FAM184A: variants seen among roughly 807,000 people sequenced by gnomAD.
FAM184A encodes protein FAM184A.
FAM184A carries 99 observed loss-of-function variants against 143.8 expected under a neutral mutation model. The ratio of observed to expected loss-of-function variants is 0.69; its 90% CI spans 0.58 to 0.81. The LOEUF (loss-of-function observed/expected upper bound fraction) is 0.81. Among genes scored for constraint, FAM184A ranks in the 40% least tolerant of loss-of-function variants. The probability of loss-of-function intolerance (pLI) is 0.00; values close to 1 mark genes in which losing one functional copy is unlikely to be tolerated. For synonymous variants in FAM184A, 427 were observed against 446.4 expected (o/e 0.96, Z 0.55); for missense variants, 1,217 against 1,310.5 (o/e 0.93, Z 1.10).
At chr6:119,080,329 A>C (rs573787775), upstream of FAM184A, among the ~76,000 whole-genome samples, 101 of 152,272 alleles carry the variant, frequency 6.6e-4, 1 homozygote, top group African/African-American at 2.2e-3. Flanking sequence ...TCCAGCTCGG[A>C]CTTGGTAATG....
rs1785542453 is a variant in FAM184A at position 119,023,977 on chromosome 6, T to C, written c.996A>G (p.Ile332Met). The C allele has an allele frequency of 2.5e-6, 4 of 1,595,330 alleles. No individual in the cohort carries two copies. In the East Asian group the frequency reaches 6.7e-5, roughly 27 times the overall value. The change falls in exon 2 of 18, where the codon ATA becomes ATG. Residue 332 changes from isoleucine (I) to methionine (M), a missense_variant. Ile to Met is a conservative substitution (Grantham distance 10, BLOSUM62 1). Coordinates refer to ENST00000338891, the MANE Select transcript of FAM184A (RefSeq NM_024581.6). Reference sequence around the variant, plus strand: ...TACTTACCTGAACATTGTTCTCTGCTATGGCAAGTGCCGTCTGAAGCTTTT... The same window carrying C: ...TACTTACCTGAACATTGTTCTCTGCCATGGCAAGTGCCGTCTGAAGCTTTT... ...KCQKLQTALA[I>M]AENNVQVLQK...
At chr6:119,081,548 C>A (rs1307029634), upstream of FAM184A, among the ~76,000 whole-genome samples, 5 of 152,188 alleles carry the variant, frequency 3.3e-5, no homozygotes, top group East Asian at 3.9e-4. Flanking sequence ...TCAATTAGAC[C>A]CCTGCCTTAT....
chr6:119,086,302 CAGT>C (rs1788221610), intron 1 of FAM184A, among the ~76,000 whole-genome samples: 6 of 152,164 alleles, frequency 3.9e-5, no homozygotes, highest in African/African-American at 1.4e-4. Flanking sequence ...CTCTTCAGGG[CAGT>C]AGTCTCTATC....
At chr6:119,082,996 C>T (rs1788113494), upstream of FAM184A, among the ~76,000 whole-genome samples, 1 of 152,238 alleles carries the variant, frequency 6.6e-6, no homozygotes, top group South Asian at 2.1e-4. Context: ...TGTTTCTATA[C>T]ATCCTCTGAA....
chr6:119,078,030 G>T lies in FAM184A; in HGVS notation c.159+111C>A. ...GTCTCCGGCTGTTGCTTCGGCGGAG[G>T]AGTAGAGTTCCCCTCGCTGCGGGCG... On this transcript the variant is annotated intron_variant, in intron 1 of 17. Coordinates refer to ENST00000338891, the MANE Select transcript of FAM184A (RefSeq NM_024581.6). This position sits in a 1 kb window ranked among gnomAD's most constrained non-coding sequence, Gnocchi z 5.5. 7.9e-7 allele frequency: 1 copy of T among 1,260,244 alleles called. No individual in the cohort carries two copies. Among genetic ancestry groups the T allele is most frequent in the Non-Finnish European group, 1.1e-6 (1 of 930,518 alleles). The allele number at this position is 1,260,244 out of a possible 1,614,324, so 78.1% of individuals were successfully genotyped here.
chr6:118,967,408 T>C (rs533700049), intron 14 of FAM184A, among the ~76,000 whole-genome samples: 3 of 152,224 alleles, frequency 2.0e-5, no homozygotes, highest in Non-Finnish European at 4.4e-5. Context: ...CAAATACAGA[T>C]GAAAGCAAAA....
At chr6:119,004,322 A>G (rs895195798) in intron 7 of FAM184A, among the ~76,000 whole-genome samples, 10 of 152,190 alleles carry the variant, frequency 6.6e-5, no homozygotes, top group Admixed American at 1.3e-4. Context: ...TGTTATCACA[A>G]TGACCCTTTC....
intron 9 of FAM184A, among the ~76,000 whole-genome samples, chr6:118,990,186 C>A (rs1784333109): frequency 1.3e-5 from 2 of 152,164 alleles, no homozygotes; most frequent in African/African-American, 4.8e-5. Flanking sequence ...AAAATTTATA[C>A]CATTTACTTA....
At chr6:119,038,013 G>C (rs1030360708) in intron 1 of FAM184A, among the ~76,000 whole-genome samples, 2 of 152,172 alleles carry the variant, frequency 1.3e-5, no homozygotes, top group African/African-American at 4.8e-5. Flanking sequence ...AGTGTTGAGA[G>C]AGAGAAAAAT....
intron 1 of FAM184A, among the ~76,000 whole-genome samples, chr6:119,052,049 G>A (rs1224428476): frequency 6.6e-6 from 1 of 152,156 alleles, no homozygotes; most frequent in Non-Finnish European, 1.5e-5. Context: ...CCTGAGGTAC[G>A]ACTGCAGTCT....
intron 1 of FAM184A, among the ~76,000 whole-genome samples, chr6:119,047,746 A>C (rs761426069): frequency 1.3e-5 from 2 of 152,080 alleles, no homozygotes; most frequent in Admixed American, 6.6e-5. Flanking sequence ...TAGCCTAAAA[A>C]CCAAAAAAAG....
At chr6:119,053,274 G>A (rs1786834194) in intron 1 of FAM184A, among the ~76,000 whole-genome samples, 1 of 152,056 alleles carries the variant, frequency 6.6e-6, no homozygotes, top group African/African-American at 2.4e-5. Flanking sequence ...TTCAATCAAG[G>A]TTTATACTTT....
At chr6:119,079,925 G>C (rs902794361), upstream of FAM184A, among the ~76,000 whole-genome samples, 4 of 152,294 alleles carry the variant, frequency 2.6e-5, no homozygotes, top group Admixed American at 2.6e-4. Flanking sequence ...CAGGAAAAAT[G>C]TTGTCTAGTT....
chr6:119,033,012 C>A (rs1252708878), intron 1 of FAM184A, among the ~76,000 whole-genome samples: 1 of 151,982 alleles, frequency 6.6e-6, no homozygotes, highest in Non-Finnish European at 1.5e-5. Context: ...AACCTCTGTA[C>A]CTCAATTTAT....
At chr6:119,068,756 T>C (rs1787564335) in intron 1 of FAM184A, among the ~76,000 whole-genome samples, 1 of 152,080 alleles carries the variant, frequency 6.6e-6, no homozygotes, top group South Asian at 2.1e-4. Context: ...AATTTCCTTT[T>C]ACCCGCTCTA....
chr6:118,999,801 C>A (rs1160485146), intron 9 of FAM184A, among the ~76,000 whole-genome samples: 1 of 152,122 alleles, frequency 6.6e-6, no homozygotes. Flanking sequence ...AACATGATGT[C>A]CCCCAATGTG....
intron 1 of FAM184A, among the ~76,000 whole-genome samples, chr6:119,108,199 G>C (rs531174469): frequency 2.0e-5 from 3 of 150,430 alleles, no homozygotes; most frequent in Non-Finnish European, 4.4e-5. Flanking sequence ...TTTCTTCCTT[G>C]TTTGTAGTAA....
At chr6:119,011,759 C>A (rs974552351) in intron 5 of FAM184A, among the ~76,000 whole-genome samples, 134 of 152,256 alleles carry the variant, frequency 8.8e-4, no homozygotes, top group African/African-American at 3.2e-3. Flanking sequence ...CCCTCAAATT[C>A]TTTTATGTTT....
intron 1 of FAM184A, among the ~76,000 whole-genome samples, chr6:119,114,026 G>A (rs544086917): frequency 6.6e-6 from 1 of 152,112 alleles, no homozygotes; most frequent in Non-Finnish European, 1.5e-5. Context: ...ATCTCTTACG[G>A]TGCCTAGTTT....
Sources: allele counts gnomAD v4.1 joint callset (sites outside exome capture counted in the v4.1 genomes callset), GRCh38; gene constraint gnomAD v4.1.1; non-coding constraint Gnocchi (gnomAD v3.1); transcripts MANE v1.5; gene names NCBI Gene and HGNC (gene_info 2026-07-23, HGNC 2026-07-21).